Variants in TG observed in about 807,000 individuals in gnomAD.
The protein encoded by TG is thyroid hormones.
A neutral mutation model predicts 324.7 loss-of-function variants in TG; 270 were observed. The observed-to-expected ratio is 0.83, with a 90% confidence interval of 0.75 to 0.92. TG has a LOEUF of 0.92. Among genes scored for constraint, TG ranks in the 40% least tolerant of loss-of-function variants. The pLI is 0.00. For synonymous variants in TG, 1,401 were observed against 1,327.0 expected (o/e 1.06, Z -1.21); for missense variants, 3,591 against 3,456.4 (o/e 1.04, Z -0.98).
chr8:132,936,652 C>T (rs1409571333), intron 25 of TG, among the ~76,000 whole-genome samples: 1 of 152,204 alleles, frequency 6.6e-6, no homozygotes, highest in Non-Finnish European at 1.5e-5. Flanking sequence ...CTCTGGGCCG[C>T]TGCTGGCACG....
At position 133,018,669 on chromosome 8, in the gene TG, A is replaced by G. The variant is rs549470764; in HGVS notation, c.6782+672A>G. 2.0e-5 allele frequency among the ~76,000 whole-genome samples: 3 copies of G among 152,300 alleles called. No individual in the cohort carries two copies. In the South Asian group the frequency reaches 6.2e-4, roughly 32 times the overall value. On this transcript the variant is annotated intron_variant, in intron 38 of 47. Coordinates refer to ENST00000220616, the MANE Select transcript of TG (RefSeq NM_003235.5). ...ATTGTGATTTTTTTCTAATTAAAGC[A>G]TACTCGGAGTATCTGTGAAAACAGC... is the stretch of plus-strand genomic sequence containing the variant.
intron 35 of TG, among the ~76,000 whole-genome samples, chr8:133,007,069 G>A (rs150149234): frequency 9.2e-5 from 14 of 152,166 alleles, no homozygotes; most frequent in Admixed American, 2.6e-4. Context: ...TTGGCTGTCC[G>A]GTATTTTGTT....
intron 8 of TG, among the ~76,000 whole-genome samples, chr8:132,885,952 T>A (rs933176407): frequency 5.3e-5 from 8 of 152,214 alleles, no homozygotes; most frequent in African/African-American, 1.9e-4. Flanking sequence ...GCATCTTTGT[T>A]TATTTACATG....
At chr8:133,096,063 C>G (rs1321198310) in intron 42 of TG, 143 bp from the exon 43 acceptor site, 1 of 975,500 alleles carries the variant, frequency 1.0e-6, no homozygotes, top group Non-Finnish European at 1.6e-6. Context: ...GGTGTCCTGC[C>G]TGCCAGTTGT....
intron 41 of TG, chr8:133,073,079 A>G (rs1478411647): frequency 1.3e-5 from 2 of 152,352 alleles, no homozygotes; most frequent in East Asian, 3.9e-4. Flanking sequence ...ACTTCTTTCA[A>G]ACATACAGAG....
At chr8:133,102,638 C>T in intron 43 of TG, 1 of 1,398,878 alleles carries the variant, frequency 7.1e-7, no homozygotes, top group Non-Finnish European at 9.9e-7. Context: ...TATTGAAATT[C>T]TTCATCAGTC....
chr8:132,988,642 T>C (rs1831917823), intron 35 of TG: 10 of 931,716 alleles, frequency 1.1e-5, no homozygotes, highest in Non-Finnish European at 1.3e-5. Flanking sequence ...AAAATTGTTT[T>C]ATAAACAAGT....
intron 35 of TG, among the ~76,000 whole-genome samples, chr8:132,994,329 G>T (rs182195732): frequency 5.6e-4 from 86 of 152,262 alleles, no homozygotes; most frequent in Admixed American, 4.7e-3. Flanking sequence ...TTTTTCAGGG[G>T]TGTTCACAGT....
intron 18 of TG, among the ~76,000 whole-genome samples, 180 bp downstream of exon 18, chr8:132,908,520 G>A (rs1819020356): frequency 1.1e-5 from 1 of 90,080 alleles, no homozygotes; most frequent in Non-Finnish European, 3.1e-5. Flanking sequence ...GCCACTTTAA[G>A]AGGGGCTAGG....
rs761346279 is a variant in TG, at chr8:132,893,932, G to A, written c.3001+3G>A. 1.4e-5 allele frequency: 23 copies of A among 1,613,940 alleles called. No individual in the cohort carries two copies. Among genetic ancestry groups the A allele is most frequent in the Non-Finnish European group, 1.6e-5 (19 of 1,179,966 alleles). On this transcript the variant is annotated splice_donor_region_variant and intron_variant, in intron 11 of 47. Transcript: ENST00000220616. ...CATTCGCCTGGCGGCTCAGTCTAGT[G>A]AGTGTGGTGCCCTTCAGCTTTCTTA...
chr8:133,002,213 G>A, intron 35 of TG: 1 of 985,448 alleles, frequency 1.0e-6, no homozygotes, highest in Non-Finnish European at 1.2e-6. Flanking sequence ...CAGAGCAGAA[G>A]CTCACCTGTC....
chr8:132,960,802 A>G (rs1827634503), intron 27 of TG, among the ~76,000 whole-genome samples: 1 of 152,104 alleles, frequency 6.6e-6, no homozygotes, highest in African/African-American at 2.4e-5. Flanking sequence ...TGCCCTGAGT[A>G]TGACACCCAT....
chr8:132,999,043 A>G (rs1373867157), intron 35 of TG, among the ~76,000 whole-genome samples: 1 of 152,200 alleles, frequency 6.6e-6, no homozygotes, highest in Admixed American at 6.5e-5. Flanking sequence ...GCCTCCAAGA[A>G]CCAGGACTGC....
intron 24 of TG, 35 bp from the exon 25 acceptor site, chr8:132,935,721 T>C (rs2129750458): frequency 6.5e-7 from 1 of 1,539,290 alleles, no homozygotes; most frequent in African/African-American, 1.4e-5. Context: ...TATAAAGTAT[T>C]GCAGGATAAT....
chr8:133,115,926 A>G (rs1386607960), intron 44 of TG, among the ~76,000 whole-genome samples: 1 of 152,114 alleles, frequency 6.6e-6, no homozygotes, highest in Non-Finnish European at 1.5e-5. Context: ...CCTCATCTGG[A>G]CATTTTGGAC....
chr8:132,977,744 C>T (rs1255000991), intron 34 of TG, among the ~76,000 whole-genome samples: 3 of 152,192 alleles, frequency 2.0e-5, no homozygotes, highest in African/African-American at 7.2e-5. Context: ...AATCATCTCC[C>T]ACCAGGTCCC....
chr8:132,915,087 A>G (rs1820097351), intron 20 of TG, among the ~76,000 whole-genome samples: 1 of 152,054 alleles, frequency 6.6e-6, no homozygotes, highest in African/African-American at 2.4e-5. Context: ...TGATGTGTCT[A>G]TGTGTGTATG....
chr8:132,969,475 G>C lies in TG; in HGVS notation c.5881G>C (p.Val1961Leu), dbSNP rs758310992. The stretch of plus-strand genomic sequence containing the variant: ...CTATGAAGTTATACTGGAAGATAAA[G>C]TGAAGAACTTTTACACTCGCCTGCC... ...FRKKVILEDK[V>L]KNFYTRLPFQ... The change falls in exon 32 of 48, where the codon GTG (valine) becomes CTG (leucine). Residue 1961 changes from valine (V) to leucine (L), a missense_variant. Physicochemically the swap from Val to Leu is conservative, Grantham distance 32. Coordinates refer to ENST00000220616, the MANE Select transcript of TG (RefSeq NM_003235.5). 3 of 1,613,224 alleles carry C rather than the reference G, an allele frequency of 1.9e-6. No individual in the cohort carries two copies. The highest frequency in any genetic ancestry group is 3.3e-5 in the Admixed American group (2 of 60,010).
At chr8:132,978,005 T>C (rs1258702819) in intron 34 of TG, among the ~76,000 whole-genome samples, 1 of 152,242 alleles carries the variant, frequency 6.6e-6, no homozygotes, top group Non-Finnish European at 1.5e-5. Flanking sequence ...TTCTTAAGCA[T>C]TACTGTATGT....
Sources: gnomAD v4.1 joint callset for allele counts (sites outside exome capture counted in the v4.1 genomes callset) on GRCh38, gnomAD v4.1.1 for gene constraint, MANE v1.5 for transcripts, NCBI Gene and HGNC (gene_info 2026-07-23, HGNC 2026-07-21) for gene names.